Variants in PIBF1 observed in about 807,000 individuals in gnomAD.
The protein encoded by PIBF1 is progesterone-induced-blocking factor 1.
Under a neutral mutation model 112.5 loss-of-function variants are expected in PIBF1, and 90 were observed. That is an observed-to-expected ratio of 0.80 (90% CI 0.67 to 0.95). The LOEUF is 0.95. PIBF1 is among the 40% of genes least tolerant of loss of function. The pLI is 0.00. For synonymous variants in PIBF1, 301 were observed against 288.6 expected, an observed-to-expected ratio of 1.04 and a Z score of -0.44; for missense variants, 915 against 852.3, an observed-to-expected ratio of 1.07 and a Z score of -0.92.
At chr13:72,932,425 G>A (rs547251609) in intron 14 of PIBF1, among the ~76,000 whole-genome samples, 117 of 151,970 alleles carry the variant, frequency 7.7e-4, no homozygotes, top group African/African-American at 2.7e-3. Context: ...CTCAAATTTC[G>A]AAAGACCAGA....
At chr13:72,906,589 A>C (rs1233893625) in intron 11 of PIBF1, among the ~76,000 whole-genome samples, 1 of 152,146 alleles carries the variant, frequency 6.6e-6, no homozygotes, top group Non-Finnish European at 1.5e-5. Flanking sequence ...CAGAAACAGA[A>C]AATTCTCTAA....
intron 16 of PIBF1, 31 bp from the exon 17 acceptor site, chr13:72,998,791 G>C: frequency 6.5e-7 from 1 of 1,537,152 alleles, no homozygotes; most frequent in Non-Finnish European, 8.9e-7. Context: ...AATCACTCTT[G>C]CTACTTTCTT....
chr13:72,952,940 C>G (rs61966208), intron 14 of PIBF1, among the ~76,000 whole-genome samples: 23,534 of 151,468 alleles, frequency 0.16, 2,241 homozygotes, highest in Middle Eastern at 0.26. Flanking sequence ...ACAGTGCAAG[C>G]TTGAGGCCAG....
At chr13:72,967,557 A>G (rs1165607121) in intron 15 of PIBF1, among the ~76,000 whole-genome samples, 1 of 152,120 alleles carries the variant, frequency 6.6e-6, no homozygotes, top group African/African-American at 2.4e-5. Context: ...TCTCCTAACC[A>G]TTAGGTTATA....
intron 17 of PIBF1, among the ~76,000 whole-genome samples, chr13:73,013,076 C>T (rs1489438531): frequency 4.6e-5 from 7 of 151,056 alleles, no homozygotes; most frequent in African/African-American, 1.5e-4. Flanking sequence ...CCGAGGCGGG[C>T]GGATCACGAG....
chr13:72,958,640 C>CT (rs1383962191), intron 14 of PIBF1, among the ~76,000 whole-genome samples: 1 of 152,174 alleles, frequency 6.6e-6, no homozygotes, highest in Non-Finnish European at 1.5e-5. Flanking sequence ...CTCCTGAGAC[C>CT]TGCCTGTAAT....
chr13:72,823,070 G>C (rs558904851), intron 6 of PIBF1, among the ~76,000 whole-genome samples: 3 of 152,160 alleles, frequency 2.0e-5, no homozygotes, highest in African/African-American at 7.2e-5. Context: ...ACTCCAGCCT[G>C]GTGGCAGAGT....
chr13:72,809,118 G>A (rs2138048393), intron 5 of PIBF1, among the ~76,000 whole-genome samples: 1 of 144,378 alleles, frequency 6.9e-6, no homozygotes, highest in East Asian at 2.0e-4. Context: ...ACCACTTGGG[G>A]GCAGTATATG....
At chr13:72,875,030 T>C (rs982216398) in intron 10 of PIBF1, among the ~76,000 whole-genome samples, 1 of 152,226 alleles carries the variant, frequency 6.6e-6, no homozygotes, top group African/African-American at 2.4e-5. Context: ...GGGTTGTACA[T>C]TCTGTATGTT....
At chr13:72,818,678 C>CT (rs3077726) in intron 5 of PIBF1, among the ~76,000 whole-genome samples, 8,190 of 79,898 alleles carry the variant, frequency 0.1, 1,062 homozygotes, top group East Asian at 0.25. Context: ...CAGTCTTAAA[C>CT]TTTTTTTTTT....
At chr13:72,876,142 T>TTTTG in intron 10 of PIBF1, among the ~76,000 whole-genome samples, 1 of 146,770 alleles carries the variant, frequency 6.8e-6, no homozygotes, top group Non-Finnish European at 1.5e-5. Context: ...TTCTTTTTTT[T>TTTTG]TTTTTTTTTT....
intron 10 of PIBF1, among the ~76,000 whole-genome samples, chr13:72,886,684 A>G (rs1001910340): frequency 1.3e-5 from 2 of 152,000 alleles, no homozygotes; most frequent in Non-Finnish European, 2.9e-5. Flanking sequence ...AATTACTCCA[A>G]ATACATGCTT....
At chr13:72,928,971 T>G (rs1053314030) in intron 13 of PIBF1, among the ~76,000 whole-genome samples, 2 of 152,198 alleles carry the variant, frequency 1.3e-5, no homozygotes, top group Non-Finnish European at 2.9e-5. Flanking sequence ...TTCCATTTCA[T>G]TCATTTGTAA....
At chr13:72,979,568 G>A (rs547176310) in intron 16 of PIBF1, among the ~76,000 whole-genome samples, 46 of 152,266 alleles carry the variant, frequency 3.0e-4, no homozygotes, top group Admixed American at 2.6e-3. Flanking sequence ...TGAAGGTGGT[G>A]TCTTGAACTA....
intron 2 of PIBF1, among the ~76,000 whole-genome samples, chr13:72,790,846 T>C (rs1307142123): frequency 6.6e-6 from 1 of 152,078 alleles, no homozygotes; most frequent in Non-Finnish European, 1.5e-5. Context: ...ACTGGAATAG[T>C]ATGGGGCAAA....
intron 9 of PIBF1, chr13:72,836,042 T>C: frequency 2.4e-6 from 1 of 425,274 alleles, no homozygotes. Context: ...GAGCTTGCAG[T>C]GAGCCGAGAT....
intron 2 of PIBF1, among the ~76,000 whole-genome samples, chr13:72,788,792 G>A (rs1165286934): frequency 1.3e-5 from 2 of 152,190 alleles, no homozygotes; most frequent in Non-Finnish European, 2.9e-5. Context: ...TTTGATGTTG[G>A]GAGGCAAGTA....
chr13:72,947,084 G>A (rs2042169708), intron 14 of PIBF1, among the ~76,000 whole-genome samples: 1 of 152,224 alleles, frequency 6.6e-6, no homozygotes, highest in South Asian at 2.1e-4. Flanking sequence ...CTCTGCCCCT[G>A]CAGCAAACTT....
At chr13:72,879,156 ATTCT>A (rs1170984248) in intron 10 of PIBF1, among the ~76,000 whole-genome samples, 3 of 151,842 alleles carry the variant, frequency 2.0e-5, no homozygotes, top group Non-Finnish European at 4.4e-5. Flanking sequence ...TTTTTCCCTC[ATTCT>A]TTGTTTCTAT....
Sources: allele counts gnomAD v4.1 joint callset (sites outside exome capture counted in the v4.1 genomes callset), GRCh38; gene constraint gnomAD v4.1.1; transcripts MANE v1.5; gene names NCBI Gene and HGNC (gene_info 2026-07-23, HGNC 2026-07-21).